The following PPIL3 variants were observed in gnomAD, a reference collection of about 807,000 sequenced individuals.
PPIL3 encodes the protein peptidylprolyl isomerase like 3, also known as peptidyl-prolyl cis-trans isomerase-like 3.
Under a neutral mutation model 20.9 loss-of-function variants are expected in PPIL3, and 13 were observed. The observed-to-expected ratio is 0.62, with a 90% CI of 0.40 to 0.99. PPIL3 has a LOEUF of 0.99. PPIL3 is among the 50% of genes least tolerant of loss of function. PPIL3 has a pLI of 0.00. For missense variants in PPIL3, 170 were observed against 195.2 expected (o/e 0.87, Z 0.77); for synonymous variants, 71 against 64.4 (o/e 1.10, Z -0.49).
At chr2:200,888,575 T>G (rs577752767) in intron 1 of PPIL3, 1 of 208,296 alleles carries the variant, frequency 4.8e-6, no homozygotes, top group Non-Finnish European at 1.0e-5. Flanking sequence ...TGGAGTGCAG[T>G]GCGGCAGGAT....
At chr2:200,872,695 T>C (rs1402282980) in intron 6 of PPIL3, among the ~76,000 whole-genome samples, 1 of 152,136 alleles carries the variant, frequency 6.6e-6, no homozygotes, top group Non-Finnish European at 1.5e-5. Flanking sequence ...GCAAGGTTTT[T>C]AAAAGAACTA....
chr2:200,879,911 A>G (rs2039659527), intron 5 of PPIL3, among the ~76,000 whole-genome samples: 1 of 152,222 alleles, frequency 6.6e-6, no homozygotes, highest in Admixed American at 6.5e-5. Context: ...GCAGTCATTA[A>G]TGTAATAATT....
rs777701304 is a variant in PPIL3 at position 200,885,792 on chromosome 2, T to C, written c.4-20A>G. On this transcript the variant is annotated intron_variant, in intron 2 of 6. Transcript: ENST00000392283. The stretch of plus-strand genomic sequence containing the variant: ...CACAGACTAAAAAGGAGAGAAAATG[T>C]GAGAACAAATGAAATTTATTTAGGT... The C allele has an allele frequency of 6.3e-6, 9 of 1,434,762 alleles. No individual in the cohort carries two copies. The highest frequency in any genetic ancestry group is 8.7e-6 in the Non-Finnish European group (9 of 1,032,202). The allele number at this position is 1,434,762 out of a possible 1,614,324, so 88.9% of individuals were successfully genotyped here. A position where few individuals can be genotyped will look rare whatever the true frequency, so the allele number is the denominator to read the frequency against.
chr2:200,883,823 T>C (rs1344357374), intron 3 of PPIL3, among the ~76,000 whole-genome samples: 7 of 152,170 alleles, frequency 4.6e-5, no homozygotes, highest in African/African-American at 1.7e-4. Context: ...AGTGCAGCAG[T>C]GTGATCAGAG....
chr2:200,882,476 AC>A (rs779972932), intron 3 of PPIL3, 41 bp from the exon 4 acceptor site: 2 of 1,255,936 alleles, frequency 1.6e-6, no homozygotes, highest in East Asian at 2.3e-5. Context: ...TGCAGCAGAA[AC>A]CCAGTTAAGA....
intron 3 of PPIL3, chr2:200,884,931 T>C (rs1460076277): frequency 6.7e-6 from 1 of 149,648 alleles, no homozygotes; most frequent in Non-Finnish European, 1.5e-5. Context: ...CTGGGCATGG[T>C]GGTGGGTGCC....
chr2:200,872,968 T>G (rs2039369588), intron 6 of PPIL3, among the ~76,000 whole-genome samples: 1 of 151,062 alleles, frequency 6.6e-6, no homozygotes, highest in Non-Finnish European at 1.5e-5. Context: ...TCCTCCTGGG[T>G]TCAAGCAATT....
chr2:200,882,091 G>A (rs2039752873), intron 4 of PPIL3, among the ~76,000 whole-genome samples: 3 of 152,200 alleles, frequency 2.0e-5, no homozygotes, highest in South Asian at 4.1e-4. Context: ...GGCAAGGGGA[G>A]GGAGAGCATT....
At chr2:200,877,966 T>C (rs2105767710) in intron 5 of PPIL3, among the ~76,000 whole-genome samples, 1 of 152,324 alleles carries the variant, frequency 6.6e-6, no homozygotes, top group South Asian at 2.1e-4. Context: ...CTGTGAACTA[T>C]GTTACAGGGA....
chr2:200,876,141 T>G (rs1328148004), intron 6 of PPIL3, among the ~76,000 whole-genome samples: 2 of 148,640 alleles, frequency 1.3e-5, no homozygotes, highest in African/African-American at 5.1e-5. Context: ...AGTGTTTTTT[T>G]TGTTTTTTTT....
rs750529192 is a variant in PPIL3, at chr2:200,877,022, C to A, written c.256G>T (p.Val86Phe). 4 of 1,606,274 alleles carry A rather than the reference C, an allele frequency of 2.5e-6. No homozygotes were observed. Among genetic ancestry groups the A allele is most frequent in the Non-Finnish European group, 3.4e-6 (4 of 1,172,918 alleles). Residue 86 changes from valine (V) to phenylalanine (F), a missense_variant, in exon 6 of 7, where the codon GTT becomes TTT. Val to Phe is a conservative substitution (Grantham distance 50, BLOSUM62 -1). Coordinates refer to ENST00000392283, the MANE Select transcript of PPIL3 (RefSeq NM_130906.3). Reference protein sequence around the residue: ...SEYLKHNVRGVVSMANNGPNT... With the variant: ...SEYLKHNVRGFVSMANNGPNT... ...GGGCCATTATTAGCCATAGATACAA[C>A]ACCTCTAACATTGTGCTGAAAAAGA...
At chr2:200,888,878 G>A (rs1374361104) in intron 1 of PPIL3, 78 bp downstream of exon 1, 1 of 469,732 alleles carries the variant, frequency 2.1e-6, no homozygotes, top group Admixed American at 2.4e-5. Context: ...AGTATCCCAA[G>A]AACTAAACCA....
intron 3 of PPIL3, among the ~76,000 whole-genome samples, chr2:200,884,278 T>C (rs1575113488): frequency 6.6e-6 from 1 of 152,114 alleles, no homozygotes; most frequent in African/African-American, 2.4e-5. Flanking sequence ...GGCTGGCGCC[T>C]ATAGTCCCAG....
chr2:200,885,659 G>A, intron 3 of PPIL3, 39 bp downstream of exon 3: 1 of 1,225,154 alleles, frequency 8.2e-7, no homozygotes, highest in Non-Finnish European at 1.2e-6. Flanking sequence ...TTATCTTGTT[G>A]TATTAACTGA....
At chr2:200,874,204 CAAAAAAAAAAAAA>C (rs767177492) in intron 6 of PPIL3, among the ~76,000 whole-genome samples, 5 of 65,634 alleles carry the variant, frequency 7.6e-5, no homozygotes, top group Admixed American at 4.9e-4. Flanking sequence ...GACTCTGTCT[CAAAAAAAAAAAAA>C]AAAAAAAATT....
In PPIL3 at chr2:200,887,659, T is replaced by A. The variant is rs1236702969; in HGVS notation, c.-44A>T. 6.4e-7 allele frequency: 1 copy of A among 1,565,344 alleles called. No homozygotes were observed. Among genetic ancestry groups the A allele is most frequent in the Admixed American group, 1.8e-5 (1 of 54,190 alleles). ...CAGGAAGGACTACGTGATTTCTCAG[T>A]CTTACAGCGAGCTCAAAAATAAGTC... On this transcript the variant is annotated 5_prime_UTR_variant, in exon 2 of 7. Transcript: ENST00000392283.
Position 200,874,482 on chromosome 2 carries a change from A to G in PPIL3, c.359+2437T>C, listed in dbSNP as rs1056433691. On this transcript the variant is annotated intron_variant, in intron 6 of 6. Transcript: ENST00000392283. Reference sequence around the variant, plus strand: ...TGGGAAACGGACCCCTTGGAGAACTAGAGGAAAGTTACTGGATCATCTTCC... The same window carrying G: ...TGGGAAACGGACCCCTTGGAGAACTGGAGGAAAGTTACTGGATCATCTTCC... Among the ~76,000 whole-genome samples, 3 of 152,176 alleles carry G rather than the reference A, an allele frequency of 2.0e-5. No individual in the cohort carries two copies. The East Asian group carries it at 5.8e-4, about 29-fold the overall frequency.
chr2:200,881,011 G>T (rs1394921887), intron 5 of PPIL3, among the ~76,000 whole-genome samples: 1 of 152,148 alleles, frequency 6.6e-6, no homozygotes, highest in East Asian at 1.9e-4. Context: ...ACATCTAACA[G>T]AAGATGATAA....
chr2:200,878,913 A>G (rs1393408105), intron 5 of PPIL3, among the ~76,000 whole-genome samples: 2 of 152,126 alleles, frequency 1.3e-5, no homozygotes, highest in African/African-American at 4.8e-5. Flanking sequence ...CAATCTACAT[A>G]GTGATTCATC....
Sources: gnomAD v4.1 joint callset for allele counts (sites outside exome capture counted in the v4.1 genomes callset) on GRCh38, gnomAD v4.1.1 for gene constraint, MANE v1.5 for transcripts, NCBI Gene and HGNC (gene_info 2026-07-23, HGNC 2026-07-21) for gene names.